Variants in CCDC138 observed in about 807,000 individuals in gnomAD.
CCDC138 encodes coiled-coil domain-containing protein 138.
CCDC138 carries 66 observed loss-of-function variants against 82.3 expected under a neutral mutation model. The ratio of observed to expected loss-of-function variants is 0.80; its 90% CI spans 0.66 to 0.98. The LOEUF is 0.98. Ranked by LOEUF, CCDC138 falls within the 50% of genes least tolerant of loss-of-function variation. The probability of loss-of-function intolerance (pLI) is 0.00; values close to 1 mark genes in which losing one functional copy is unlikely to be tolerated. For synonymous variants in CCDC138, 297 were observed against 265.4 expected (o/e 1.12, Z -1.16); for missense variants, 816 against 758.9 (o/e 1.08, Z -0.88).
At position 108,856,927 on chromosome 2, in the gene CCDC138, G is replaced by A. The variant is rs1330450839; in HGVS notation, c.1650G>A (p.Leu550=). The A allele has an allele frequency of 9.3e-6, 15 of 1,611,940 alleles. No individual in the cohort carries two copies. Among genetic ancestry groups the A allele is most frequent in the Non-Finnish European group, 1.2e-5 (14 of 1,179,278 alleles). The change falls in exon 13 of 15, where the codon CTG becomes CTA. Residue 550 remains leucine, a synonymous_variant. Transcript: ENST00000295124. ...SHLRISSKGL[L]SNVIDSLLQM... ...TAAGAATATCCAGTAAAGGACTCCTGTCTAATGTTATTGATAGTTTGCTCC... is the reference window on the plus strand; with the variant it reads ...TAAGAATATCCAGTAAAGGACTCCTATCTAATGTTATTGATAGTTTGCTCC...
chr2:108,857,203 C>T (rs554016842), intron 13 of CCDC138, among the ~76,000 whole-genome samples: 13 of 149,350 alleles, frequency 8.7e-5, no homozygotes, highest in South Asian at 8.6e-4. Flanking sequence ...CTCAGCCTCC[C>T]GAGTAGCTGG....
At chr2:108,867,545 T>C (rs1694609546) in intron 13 of CCDC138, among the ~76,000 whole-genome samples, 1 of 152,140 alleles carries the variant, frequency 6.6e-6, no homozygotes, top group Admixed American at 6.5e-5. Context: ...CCCAAGCCTT[T>C]GGCAAGTTCC....
chr2:108,865,048 C>T lies in CCDC138; in HGVS notation c.1693+8078C>T, dbSNP rs764466802. ...GTCTGCCTTCAGTTACTGTTTCCCT[C>T]CCTGGAGGGAACAACTGCAGACACA... is the stretch of plus-strand genomic sequence containing the variant. On this transcript the variant is annotated intron_variant, in intron 13 of 14. Transcript: ENST00000295124. 5.3e-4 allele frequency among the ~76,000 whole-genome samples: 81 copies of T among 152,106 alleles called. 1 individual carries two copies. The highest frequency in any genetic ancestry group is 2.4e-3 in the Admixed American group (36 of 15,284).
intron 7 of CCDC138, among the ~76,000 whole-genome samples, chr2:108,810,811 G>A (rs77279064): frequency 0.02 from 3,107 of 152,264 alleles, 41 homozygotes; most frequent in Non-Finnish European, 0.032. Flanking sequence ...AAGCCATTTA[G>A]TTCGGGCTTT....
At chr2:108,798,312 A>G in intron 5 of CCDC138, 116 bp from the exon 6 acceptor site, 1 of 1,025,564 alleles carries the variant, frequency 9.8e-7, no homozygotes, top group Non-Finnish European at 1.4e-6. Flanking sequence ...GATTGTCCTT[A>G]GGTACCCCTG....
chr2:108,795,054 C>T (rs572819358), intron 5 of CCDC138, among the ~76,000 whole-genome samples: 4 of 80,616 alleles, frequency 5.0e-5, no homozygotes, highest in African/African-American at 8.3e-5. Context: ...GTTTTAAGTA[C>T]TTATATATAA....
chr2:108,835,751 G>A (rs1378945317), intron 10 of CCDC138, among the ~76,000 whole-genome samples: 1 of 152,062 alleles, frequency 6.6e-6, no homozygotes, highest in Non-Finnish European at 1.5e-5. Context: ...ATTTTATCTT[G>A]CAAAACTAAA....
At chr2:108,862,179 A>G (rs1237687314) in intron 13 of CCDC138, among the ~76,000 whole-genome samples, 1 of 150,646 alleles carries the variant, frequency 6.6e-6, no homozygotes, top group Non-Finnish European at 1.5e-5. Context: ...TGGTTGTGGG[A>G]ATGACCCATG....
chr2:108,856,810 G>A lies in CCDC138; in HGVS notation c.1533G>A (p.Gln511=). 6.2e-7 allele frequency: 1 copy of A among 1,613,106 alleles called. No homozygotes were observed. Among genetic ancestry groups the A allele is most frequent in the East Asian group, 2.2e-5 (1 of 44,728 alleles). Residue 511 remains glutamine (Q), a synonymous_variant, in exon 13 of 15, where the codon CAG becomes CAA. Transcript: ENST00000295124. ...ATTTTCCAGCTGATTACCTGGCTCA[G>A]GCATTTGATTCTCTTTGTTTGGACT... The part of the protein sequence containing the change: ...KTVTQADYLA[Q]AFDSLCLDLK...
chr2:108,788,067 GAGA>G lies in CCDC138; in HGVS notation c.134_136del (p.Arg45del), dbSNP rs764807603. The G allele has an allele frequency of 5.0e-6, 8 of 1,597,574 alleles. No homozygotes were observed. The highest frequency in any genetic ancestry group is 1.7e-5 in the Admixed American group (1 of 57,178). The stretch of plus-strand genomic sequence containing the variant: ...CAAATTTTTATCAGTCTAAGTATAA[GAGA>G]AGAACTCTAACCTCCCCAGGTAAGC... On this transcript the variant is annotated inframe_deletion, in exon 2 of 15. Transcript: ENST00000295124.
chr2:108,870,430 G>A (rs1233595630), intron 13 of CCDC138, among the ~76,000 whole-genome samples: 2 of 152,052 alleles, frequency 1.3e-5, no homozygotes, highest in African/African-American at 4.8e-5. Flanking sequence ...GAGAAAGGGT[G>A]GAAAGATAAT....
chr2:108,824,682 T>C (rs976936411), intron 10 of CCDC138, among the ~76,000 whole-genome samples: 1 of 152,174 alleles, frequency 6.6e-6, no homozygotes, highest in Non-Finnish European at 1.5e-5. Flanking sequence ...AGTAACATAG[T>C]CATTTATTAT....
chr2:108,869,966 C>A (rs1347119120), intron 13 of CCDC138, among the ~76,000 whole-genome samples: 2 of 152,116 alleles, frequency 1.3e-5, no homozygotes, highest in Admixed American at 1.3e-4. Context: ...TAAAGACACA[C>A]AAATTAATTG....
intron 11 of CCDC138, among the ~76,000 whole-genome samples, chr2:108,841,358 A>T (rs1689451451): frequency 6.6e-6 from 1 of 152,078 alleles, no homozygotes; most frequent in Non-Finnish European, 1.5e-5. Context: ...AGATAGATGG[A>T]TGTTGAAGTC....
intron 12 of CCDC138, among the ~76,000 whole-genome samples, chr2:108,848,844 T>C (rs1690930517): frequency 6.6e-6 from 1 of 152,202 alleles, no homozygotes; most frequent in African/African-American, 2.4e-5. Flanking sequence ...GCACTTCATA[T>C]TATGTATTGA....
intron 7 of CCDC138, among the ~76,000 whole-genome samples, chr2:108,807,094 G>A (rs189301958): frequency 2.0e-5 from 3 of 152,114 alleles, no homozygotes. Context: ...TAATAAGCAT[G>A]TCAAAAGACA....
At chr2:108,822,888 A>G (rs1685947338) in intron 10 of CCDC138, among the ~76,000 whole-genome samples, 1 of 152,224 alleles carries the variant, frequency 6.6e-6, no homozygotes, top group African/African-American at 2.4e-5. Flanking sequence ...GAAAGTATCA[A>G]CAAAATTGAC....
At chr2:108,850,370 A>G (rs1187272557) in intron 12 of CCDC138, among the ~76,000 whole-genome samples, 1 of 152,208 alleles carries the variant, frequency 6.6e-6, no homozygotes, top group Non-Finnish European at 1.5e-5. Context: ...ATATAGATCT[A>G]TGAAGATAAT....
In CCDC138 at chr2:108,837,912, A is replaced by G. The variant is rs555060342; in HGVS notation, c.1207-1273A>G. Among the ~76,000 whole-genome samples the G allele has an allele frequency of 2.6e-5, 4 of 152,074 alleles. No individual in the cohort carries two copies. In the South Asian group the frequency reaches 8.3e-4, roughly 32 times the overall value. On this transcript the variant is annotated intron_variant, in intron 10 of 14. Transcript: ENST00000295124. ...AGATTTCTCAACTTATGAGGTGTCTATAATTTTTTCGATTTTTTTTTTTTT... is the reference window on the plus strand; with the variant it reads ...AGATTTCTCAACTTATGAGGTGTCTGTAATTTTTTCGATTTTTTTTTTTTT...
Sources: allele counts gnomAD v4.1 joint callset (sites outside exome capture counted in the v4.1 genomes callset), GRCh38; gene constraint gnomAD v4.1.1; transcripts MANE v1.5; gene names NCBI Gene and HGNC (gene_info 2026-07-23, HGNC 2026-07-21).